The following PLCB1 variants were observed in gnomAD, a reference collection of about 807,000 sequenced individuals.
The protein encoded by PLCB1 is phospholipase C beta 1.
A neutral mutation model predicts 161.8 loss-of-function variants in PLCB1; 46 were observed. The observed-to-expected ratio is 0.28, with a 90% CI of 0.22 to 0.36. The LOEUF (loss-of-function observed/expected upper bound fraction) is 0.36. Ranked by LOEUF, PLCB1 falls within the 10% of genes least tolerant of loss-of-function variation. The probability of loss-of-function intolerance (pLI) is 1.00; values close to 1 mark genes in which losing one functional copy is unlikely to be tolerated. For synonymous variants in PLCB1, 517 were observed against 503.7 expected (o/e 1.03, Z -0.35); for missense variants, 1,016 against 1,472.5 (o/e 0.69, Z 5.07).
chr20:8,160,738 G>T (rs1424672922), intron 2 of PLCB1, among the ~76,000 whole-genome samples: 1 of 152,054 alleles, frequency 6.6e-6, no homozygotes, highest in Non-Finnish European at 1.5e-5. Flanking sequence ...CACTTGTCAA[G>T]CTCTTTCTAT....
rs148420606 is a variant in PLCB1, at chr20:8,803,777, T to TTTTGTTTG, written c.3423+13540_3423+13547dup. On this transcript the variant is annotated intron_variant, in intron 31 of 31. Coordinates refer to ENST00000338037, the MANE Select transcript of PLCB1 (RefSeq NM_015192.4). ...GTTACTGCCCTGGTAGTTTTGTGTT[T>TTTTGTTTG]TTTGTTTGTTTGTTTGTTTGTTTGT... 3.6e-3 allele frequency among the ~76,000 whole-genome samples: 538 copies of TTTTGTTTG among 151,134 alleles called. 4 individuals carry two copies. Among genetic ancestry groups the TTTTGTTTG allele is most frequent in the Admixed American group, 0.017 (262 of 15,174 alleles).
intron 2 of PLCB1, among the ~76,000 whole-genome samples, chr20:8,288,773 A>G (rs1983246809): frequency 6.6e-6 from 1 of 152,180 alleles, no homozygotes; most frequent in African/African-American, 2.4e-5. Flanking sequence ...TACTAACTAC[A>G]GTTACTGATC....
At chr20:8,506,743 C>T (rs986676143) in intron 3 of PLCB1, among the ~76,000 whole-genome samples, 6 of 152,132 alleles carry the variant, frequency 3.9e-5, no homozygotes, top group Middle Eastern at 3.4e-3. Context: ...GACCCTTTAC[C>T]GCAGTTTATC....
chr20:8,353,648 GAAA>G (rs1228144216), intron 2 of PLCB1, among the ~76,000 whole-genome samples: 19 of 152,152 alleles, frequency 1.2e-4, no homozygotes, highest in African/African-American at 2.6e-4. Context: ...CTAATCATGA[GAAA>G]AACATCCTGT....
At chr20:8,175,409 T>G (rs1289261818) in intron 2 of PLCB1, among the ~76,000 whole-genome samples, 1 of 152,060 alleles carries the variant, frequency 6.6e-6, no homozygotes, top group African/African-American at 2.4e-5. Flanking sequence ...GGACAGTATT[T>G]TCAACAAGTG....
At chr20:8,711,237 G>A (rs1166540288) in intron 12 of PLCB1, among the ~76,000 whole-genome samples, 5 of 152,286 alleles carry the variant, frequency 3.3e-5, no homozygotes, top group East Asian at 1.9e-4. Context: ...GAAGCATCAG[G>A]AGCCTTCAAA....
At chr20:8,809,470 G>A (rs76933695) in intron 31 of PLCB1, among the ~76,000 whole-genome samples, 6 of 152,020 alleles carry the variant, frequency 3.9e-5, no homozygotes, top group African/African-American at 7.3e-5. Context: ...TCAAGGTCAC[G>A]ACTTTGTTAC....
intron 3 of PLCB1, among the ~76,000 whole-genome samples, chr20:8,516,421 T>A (rs1318513150): frequency 2.6e-5 from 4 of 152,040 alleles, no homozygotes. Context: ...AAGATCAACA[T>A]AAATGGAGCA....
At chr20:8,850,010 T>C (rs1277749222) in intron 31 of PLCB1, among the ~76,000 whole-genome samples, 1 of 152,120 alleles carries the variant, frequency 6.6e-6, no homozygotes, top group East Asian at 1.9e-4. Context: ...AGACTCCGTC[T>C]AAAAATAAAA....
At chr20:8,298,352 C>T (rs1444077534) in intron 2 of PLCB1, among the ~76,000 whole-genome samples, 1 of 151,230 alleles carries the variant, frequency 6.6e-6, no homozygotes, top group Non-Finnish European at 1.5e-5. Flanking sequence ...TCTGCGTCTG[C>T]ACCACAAGAG....
intron 27 of PLCB1, among the ~76,000 whole-genome samples, chr20:8,786,498 T>C (rs140146215): frequency 1.2e-3 from 178 of 152,298 alleles, no homozygotes; most frequent in African/African-American, 4.1e-3. Flanking sequence ...GGATTCCGTA[T>C]CGTAATTCTC....
intron 9 of PLCB1, among the ~76,000 whole-genome samples, chr20:8,673,389 T>C (rs1348974223): frequency 6.6e-6 from 1 of 152,218 alleles, no homozygotes; most frequent in African/African-American, 2.4e-5. Flanking sequence ...CCTTTTCCAG[T>C]CTATTTTGAT....
intron 2 of PLCB1, among the ~76,000 whole-genome samples, chr20:8,269,737 G>T (rs1982177906): frequency 6.6e-6 from 1 of 152,040 alleles, no homozygotes; most frequent in Non-Finnish European, 1.5e-5. Flanking sequence ...AGCACAGTAA[G>T]ATACAAAAAT....
intron 7 of PLCB1, among the ~76,000 whole-genome samples, chr20:8,650,526 G>A (rs1165124227): frequency 6.6e-6 from 1 of 152,056 alleles, no homozygotes; most frequent in Admixed American, 6.6e-5. Context: ...TGCTCTGCGG[G>A]AACAGGCATG....
At chr20:8,722,959 C>T (rs1979731039) in intron 15 of PLCB1, among the ~76,000 whole-genome samples, 1 of 152,130 alleles carries the variant, frequency 6.6e-6, no homozygotes, top group African/African-American at 2.4e-5. Flanking sequence ...TTTGAAGCTG[C>T]AGTGAGCTAT....
At chr20:8,747,605 A>G (rs774173712) in intron 23 of PLCB1, among the ~76,000 whole-genome samples, 32 of 152,112 alleles carry the variant, frequency 2.1e-4, no homozygotes, top group Non-Finnish European at 4.0e-4. Context: ...GAAATTCATC[A>G]AAAATTGTTT....
At chr20:8,490,856 A>G (rs1259866968) in intron 3 of PLCB1, among the ~76,000 whole-genome samples, 4 of 140,724 alleles carry the variant, frequency 2.8e-5, no homozygotes, top group Non-Finnish European at 6.0e-5. Flanking sequence ...GCTCATATAT[A>G]TAGGCATATA....
chr20:8,312,689 A>C (rs1450594346), intron 2 of PLCB1, among the ~76,000 whole-genome samples: 1 of 152,172 alleles, frequency 6.6e-6, no homozygotes, highest in African/African-American at 2.4e-5. Context: ...CTCTTCTTAA[A>C]AGGGCATCGT....
chr20:8,225,076 T>G (rs554509762), intron 2 of PLCB1, among the ~76,000 whole-genome samples: 2 of 152,302 alleles, frequency 1.3e-5, no homozygotes, highest in South Asian at 2.1e-4. Context: ...CCGTCTTAAT[T>G]CTCTGCTGTC....
Sources: gnomAD v4.1 joint callset for allele counts (sites outside exome capture counted in the v4.1 genomes callset) on GRCh38, gnomAD v4.1.1 for gene constraint, MANE v1.5 for transcripts, NCBI Gene and HGNC (gene_info 2026-07-23, HGNC 2026-07-21) for gene names.